The following CNTNAP5 variants were observed in gnomAD, a reference collection of about 807,000 sequenced individuals.
CNTNAP5 encodes the protein contactin associated protein family member 5, also known as contactin-associated protein-like 5.
In CNTNAP5, 72 loss-of-function variants were observed where a neutral mutation model predicts 150.2. The ratio of observed to expected loss-of-function variants is 0.48; its 90% CI spans 0.40 to 0.58. CNTNAP5 has a LOEUF of 0.58. CNTNAP5 is among the 20% of genes least tolerant of loss of function. The pLI, the probability that CNTNAP5 is intolerant of heterozygous loss-of-function variation, is 0.00. For synonymous variants in CNTNAP5, 672 were observed against 619.8 expected (o/e 1.08, Z -1.25); for missense variants, 1,636 against 1,626.2 (o/e 1.01, Z -0.10).
intron 3 of CNTNAP5, among the ~76,000 whole-genome samples, chr2:124,321,216 C>G (rs765820995): frequency 6.6e-6 from 1 of 152,104 alleles, no homozygotes; most frequent in East Asian, 1.9e-4. Context: ...CCGAGGCAGG[C>G]GGATCGCCTG....
chr2:124,889,862 T>G (rs950595215), intron 21 of CNTNAP5, among the ~76,000 whole-genome samples: 2 of 152,100 alleles, frequency 1.3e-5, no homozygotes, highest in Admixed American at 6.6e-5. Flanking sequence ...GCCACTGTTA[T>G]ATGTGCTAGG....
At chr2:124,124,809 A>C (rs1173077542) in intron 1 of CNTNAP5, among the ~76,000 whole-genome samples, 1 of 152,216 alleles carries the variant, frequency 6.6e-6, no homozygotes, top group Non-Finnish European at 1.5e-5. Flanking sequence ...TATCCAGCCA[A>C]ACTAAGCTTC....
intron 1 of CNTNAP5, among the ~76,000 whole-genome samples, chr2:124,112,120 T>C (rs1289285382): frequency 4.6e-5 from 7 of 152,224 alleles, no homozygotes; most frequent in African/African-American, 1.7e-4. Context: ...TTCTGCTCCA[T>C]TCAGGCTTGT....
chr2:124,154,763 G>T (rs1684484329), intron 1 of CNTNAP5, among the ~76,000 whole-genome samples: 1 of 152,062 alleles, frequency 6.6e-6, no homozygotes, highest in Non-Finnish European at 1.5e-5. Flanking sequence ...GCAGCCTCAA[G>T]GGATGAATGC....
chr2:124,608,655 A>T (rs1677305614), intron 11 of CNTNAP5, among the ~76,000 whole-genome samples: 1 of 152,198 alleles, frequency 6.6e-6, no homozygotes, highest in African/African-American at 2.4e-5. Context: ...CATAAAAATA[A>T]GACAGTCTGG....
intron 7 of CNTNAP5, among the ~76,000 whole-genome samples, chr2:124,485,341 C>T (rs573288913): frequency 3.9e-5 from 6 of 152,164 alleles, no homozygotes; most frequent in Middle Eastern, 6.8e-3. Context: ...CGGCCGGGCA[C>T]GGTGGCTCAC....
intron 1 of CNTNAP5, among the ~76,000 whole-genome samples, chr2:124,102,688 G>C (rs144838548): frequency 4.6e-5 from 7 of 152,288 alleles, no homozygotes; most frequent in Admixed American, 4.6e-4. Flanking sequence ...GGGAAAGCTG[G>C]TTTCTCCATC....
chr2:124,057,342 C>T (rs1185521753), intron 1 of CNTNAP5, among the ~76,000 whole-genome samples: 1 of 146,336 alleles, frequency 6.8e-6, no homozygotes, highest in African/African-American at 2.5e-5. Context: ...AGTGCAGTGG[C>T]GTGATCTCGG....
At chr2:124,541,759 C>A (rs1020191804) in intron 10 of CNTNAP5, among the ~76,000 whole-genome samples, 1 of 152,118 alleles carries the variant, frequency 6.6e-6, no homozygotes, top group African/African-American at 2.4e-5. Flanking sequence ...CGATAAATAG[C>A]TGGGCAAATC....
At chr2:124,165,810 C>T (rs907799689) in intron 1 of CNTNAP5, among the ~76,000 whole-genome samples, 1 of 152,118 alleles carries the variant, frequency 6.6e-6, no homozygotes, top group African/African-American at 2.4e-5. Flanking sequence ...AGAAATTTTC[C>T]ACATAAAACC....
intron 4 of CNTNAP5, 47 bp from the exon 5 acceptor site, chr2:124,434,437 T>C (rs1302718380): frequency 7.2e-7 from 1 of 1,386,018 alleles, no homozygotes; most frequent in South Asian, 1.2e-5. Flanking sequence ...ACAGCAGTCA[T>C]GAGAATATGC....
rs1457112306 is a variant in CNTNAP5, at chr2:124,485,631, A to AAAAAAAAAAAAAAAAAAGAAGAAG, written c.1062+10752_1062+10753insAAAAAAAAAAAAAAGAAGAAGAAA. On this transcript the variant is annotated intron_variant, in intron 7 of 23. Coordinates refer to ENST00000682447, the MANE Select transcript of CNTNAP5 (RefSeq NM_001367498.1). Reference sequence around the variant, plus strand: ...CTGTCTCAAAAAAAAAAAAAAAAAAAAAAGAAGAAGGTGCATTTACCGGGG... The same window carrying AAAAAAAAAAAAAAAAAAGAAGAAG: ...CTGTCTCAAAAAAAAAAAAAAAAAAAAAAAAAAAAAAAAAAAAGAAGAAGAAAGAAGAAGGTGCATTTACCGGGG... 5.4e-4 allele frequency among the ~76,000 whole-genome samples: 73 copies of AAAAAAAAAAAAAAAAAAGAAGAAG among 134,180 alleles called. 2 individuals are homozygous for AAAAAAAAAAAAAAAAAAGAAGAAG. Among genetic ancestry groups the AAAAAAAAAAAAAAAAAAGAAGAAG allele is most frequent in the African/African-American group, 1.9e-3 (60 of 32,100 alleles). 88.0% of individuals were successfully genotyped at this position (134,180 alleles called of 152,430 possible).
intron 9 of CNTNAP5, among the ~76,000 whole-genome samples, chr2:124,526,244 C>T (rs1025682531): frequency 1.3e-5 from 2 of 152,094 alleles, no homozygotes; most frequent in Admixed American, 6.6e-5. Flanking sequence ...ACAAATGCCC[C>T]ACGCGTAGAC....
intron 10 of CNTNAP5, among the ~76,000 whole-genome samples, chr2:124,561,705 C>T (rs548439905): frequency 3.9e-5 from 6 of 152,092 alleles, no homozygotes; most frequent in Admixed American, 3.9e-4. Flanking sequence ...CTGTGCTGAG[C>T]AGAAAATTTC....
intron 1 of CNTNAP5, among the ~76,000 whole-genome samples, chr2:124,045,392 G>T (rs899345469): frequency 6.6e-6 from 1 of 150,806 alleles, no homozygotes; most frequent in African/African-American, 2.4e-5. Context: ...CCACCTCCCA[G>T]GTTCAAGTGA....
rs144059947 is a variant in CNTNAP5, at chr2:124,750,941, G to A, written c.2234+3556G>A. Among the ~76,000 whole-genome samples the A allele has an allele frequency of 1.8e-3, 253 of 137,002 alleles. 1 individual carries two copies. The highest frequency in any genetic ancestry group is 6.7e-3 in the African/African-American group (242 of 35,864). The allele number at this position is 137,002 out of a possible 152,430, so 89.9% of individuals were successfully genotyped here. A position where few individuals can be genotyped will look rare whatever the true frequency, so the allele number is the denominator to read the frequency against. ...GGAGGTTGCAGTGAGCCGAGATCGC[G>A]CCACTGCACTCCAGCCTAGTGACAG... On this transcript the variant is annotated intron_variant, in intron 14 of 23. Coordinates refer to ENST00000682447, the MANE Select transcript of CNTNAP5 (RefSeq NM_001367498.1).
Position 124,772,978 on chromosome 2 carries a change from G to A in CNTNAP5, c.2713G>A (p.Gly905Ser). The A allele has an allele frequency of 1.2e-6, 2 of 1,613,404 alleles. No individual in the cohort carries two copies. Among genetic ancestry groups the A allele is most frequent in the South Asian group, 2.2e-5 (2 of 91,056 alleles). ...PRSTRETSEE[G>S]HFRLQLNSQL... is the part of the protein sequence containing the mutation. The stretch of plus-strand genomic sequence containing the variant: ...GAGCACCAGGGAGACGTCGGAGGAG[G>A]GCCATTTTCGACTGCAGCTGAACAG... The change falls in exon 17 of 24, where the codon GGC (glycine) becomes AGC (serine). Residue 905 changes from glycine (G) to serine (S), a missense_variant. Coordinates refer to ENST00000682447, the MANE Select transcript of CNTNAP5 (RefSeq NM_001367498.1).
chr2:124,223,082 A>T (rs1225462256), intron 2 of CNTNAP5, among the ~76,000 whole-genome samples: 11 of 152,264 alleles, frequency 7.2e-5, no homozygotes, highest in Non-Finnish European at 1.2e-4. Flanking sequence ...TTTAGTCCTC[A>T]CAAAGTTGTT....
intron 13 of CNTNAP5, among the ~76,000 whole-genome samples, chr2:124,670,611 TCAAAGC>T (rs1678802871): frequency 1.2e-5 from 1 of 81,050 alleles, no homozygotes; most frequent in Admixed American, 1.3e-4. Flanking sequence ...ACTTTTGATG[TCAAAGC>T]TAAAATCCAC....
Sources: gnomAD v4.1 joint callset for allele counts (sites outside exome capture counted in the v4.1 genomes callset) on GRCh38, gnomAD v4.1.1 for gene constraint, MANE v1.5 for transcripts, NCBI Gene and HGNC (gene_info 2026-07-23, HGNC 2026-07-21) for gene names.